The following NARS2 variants were observed in gnomAD, a reference collection of about 807,000 sequenced individuals.
NARS2 encodes asparaginyl-tRNA synthetase 2, mitochondrial.
NARS2 carries 60 observed loss-of-function variants against 62.9 expected under a neutral mutation model. The observed-to-expected ratio is 0.95, with a 90% confidence interval of 0.77 to 1.18. NARS2 has a LOEUF of 1.18. Among genes scored for constraint, NARS2 ranks in the 50% most tolerant of loss-of-function variants. The pLI is 0.00. For synonymous variants in NARS2, 196 were observed against 200.0 expected, an observed-to-expected ratio of 0.98 and a Z score of 0.17; for missense variants, 619 against 576.4, an observed-to-expected ratio of 1.07 and a Z score of -0.76.
chr11:78,492,112 G>T (rs56249020), intron 7 of NARS2, among the ~76,000 whole-genome samples: 2 of 145,504 alleles, frequency 1.4e-5, no homozygotes, highest in African/African-American at 5.0e-5. Flanking sequence ...TATATATACA[G>T]ACACACACAC....
intron 11 of NARS2, among the ~76,000 whole-genome samples, chr11:78,463,552 G>A (rs986452513): frequency 2.8e-4 from 42 of 151,992 alleles, no homozygotes; most frequent in African/African-American, 9.6e-4. Flanking sequence ...TGGGTGTGGC[G>A]GCACACGCCT....
chr11:78,537,353 A>G (rs1435384056), intron 5 of NARS2, among the ~76,000 whole-genome samples: 1 of 152,238 alleles, frequency 6.6e-6, no homozygotes, highest in Non-Finnish European at 1.5e-5. Flanking sequence ...GAGTACAGAT[A>G]GTACCAGGAA....
At position 78,538,912 on chromosome 11, in the gene NARS2, G is replaced by A. The variant is rs190521376; in HGVS notation, c.595-9976C>T. On this transcript the variant is annotated intron_variant, in intron 5 of 13. Transcript: ENST00000281038. ...CGGGAGGCTGAGGCAGGAGAATGGCGTGAACCTGGGAGGCGGAGCTTGCAG... is the reference window on the plus strand; with the variant it reads ...CGGGAGGCTGAGGCAGGAGAATGGCATGAACCTGGGAGGCGGAGCTTGCAG... Among the ~76,000 whole-genome samples, 346 of 144,090 alleles carry A rather than the reference G, an allele frequency of 2.4e-3. 1 individual carries two copies. Among genetic ancestry groups the A allele is most frequent in the East Asian group, 0.014 (64 of 4,594 alleles). The allele number at this position is 144,090 out of a possible 152,430, so 94.5% of individuals were successfully genotyped here.
intron 2 of NARS2, among the ~76,000 whole-genome samples, chr11:78,570,091 G>A (rs537973963): frequency 6.6e-6 from 1 of 152,220 alleles, no homozygotes; most frequent in South Asian, 2.1e-4. Context: ...TTGGGAGACT[G>A]AGGCACGAGA....
At chr11:78,512,580 TA>T in intron 6 of NARS2, among the ~76,000 whole-genome samples, 1 of 152,104 alleles carries the variant, frequency 6.6e-6, no homozygotes, top group Admixed American at 6.6e-5. Flanking sequence ...ATTAAGCTTA[TA>T]AAACTAGTAT....
At chr11:78,459,785 T>C (rs889721029) in intron 11 of NARS2, among the ~76,000 whole-genome samples, 1 of 146,564 alleles carries the variant, frequency 6.8e-6, no homozygotes, top group South Asian at 2.1e-4. Flanking sequence ...CTCACGTCTT[T>C]TGACATAGAG....
At chr11:78,564,266 G>A (rs778198018) in intron 4 of NARS2, among the ~76,000 whole-genome samples, 1 of 152,108 alleles carries the variant, frequency 6.6e-6, no homozygotes, top group Non-Finnish European at 1.5e-5. Flanking sequence ...CACAAACACG[G>A]ATCACTGCAG....
chr11:78,529,272 T>C (rs976513526), intron 5 of NARS2, among the ~76,000 whole-genome samples: 21 of 152,212 alleles, frequency 1.4e-4, no homozygotes, highest in African/African-American at 4.8e-4. Context: ...TGTGAAGAAT[T>C]ACATAACCTC....
At chr11:78,458,913 T>TG (rs970451497) in intron 11 of NARS2, among the ~76,000 whole-genome samples, 6 of 151,676 alleles carry the variant, frequency 4.0e-5, no homozygotes, top group Admixed American at 6.6e-5. Context: ...TGGGTTTTTT[T>TG]TTTGTTTGTT....
At chr11:78,569,425 G>T (rs1856844585) in intron 2 of NARS2, among the ~76,000 whole-genome samples, 1 of 152,164 alleles carries the variant, frequency 6.6e-6, no homozygotes, top group Admixed American at 6.5e-5. Context: ...AAAGTGCTGG[G>T]ATTAGAGGCA....
intron 6 of NARS2, among the ~76,000 whole-genome samples, chr11:78,493,734 C>A (rs966646646): frequency 2.0e-5 from 3 of 151,712 alleles, no homozygotes; most frequent in African/African-American, 7.3e-5. Flanking sequence ...CTGAAGGAAT[C>A]TGCAACTGCT....
chr11:78,454,804 G>C (rs539610486), intron 11 of NARS2, among the ~76,000 whole-genome samples: 11 of 152,128 alleles, frequency 7.2e-5, no homozygotes, highest in Admixed American at 1.3e-4. Flanking sequence ...ATTTTTAGTA[G>C]AGACAGGTTT....
chr11:78,507,343 T>C (rs897646531), intron 6 of NARS2, among the ~76,000 whole-genome samples: 2 of 151,986 alleles, frequency 1.3e-5, no homozygotes, highest in African/African-American at 4.8e-5. Flanking sequence ...CAGAAAGACC[T>C]GAGAAGACAT....
chr11:78,468,220 A>C (rs1858705542), intron 10 of NARS2, among the ~76,000 whole-genome samples: 1 of 148,814 alleles, frequency 6.7e-6, no homozygotes, highest in Non-Finnish European at 1.5e-5. Flanking sequence ...CAAACAAAAA[A>C]ACCCCAGTAT....
intron 6 of NARS2, among the ~76,000 whole-genome samples, chr11:78,504,750 C>T (rs1296475984): frequency 1.3e-5 from 2 of 152,004 alleles, no homozygotes; most frequent in Non-Finnish European, 2.9e-5. Context: ...TTAAGTGGTT[C>T]CCTAAAAACA....
At chr11:78,469,196 A>G in intron 10 of NARS2, 51 bp downstream of exon 10, 1 of 1,246,924 alleles carries the variant, frequency 8.0e-7, no homozygotes, top group Non-Finnish European at 1.2e-6. Flanking sequence ...AGCTAAAGAC[A>G]AGAAGGAAGC....
intron 6 of NARS2, among the ~76,000 whole-genome samples, chr11:78,504,874 A>C (rs1422176937): frequency 2.0e-5 from 3 of 152,130 alleles, no homozygotes; most frequent in Non-Finnish European, 4.4e-5. Context: ...TGACTGCTCC[A>C]GAATAACTGT....
intron 2 of NARS2, among the ~76,000 whole-genome samples, chr11:78,569,531 TTGTAA>T (rs1405129312): frequency 2.0e-5 from 3 of 152,206 alleles, no homozygotes; most frequent in Non-Finnish European, 4.4e-5. Flanking sequence ...TATTGAAATA[TTGTAA>T]TATAGCAATA....
chr11:78,505,856 TATA>T, intron 6 of NARS2, among the ~76,000 whole-genome samples: 1 of 152,170 alleles, frequency 6.6e-6, no homozygotes. Context: ...AGAAAAAGAC[TATA>T]ATACACTAAC....
Sources: gnomAD v4.1 joint callset for allele counts (sites outside exome capture counted in the v4.1 genomes callset) on GRCh38, gnomAD v4.1.1 for gene constraint, MANE v1.5 for transcripts, NCBI Gene and HGNC (gene_info 2026-07-23, HGNC 2026-07-21) for gene names.